The following FHIT variants were observed in gnomAD, a reference collection of about 807,000 sequenced individuals.
The protein encoded by FHIT is bis(5'-adenosyl)-triphosphatase.
FHIT carries 19 observed loss-of-function variants against 17.9 expected under a neutral mutation model. The ratio of observed to expected loss-of-function variants is 1.06; its 90% confidence interval spans 0.74 to 1.56. The LOEUF is 1.56. Ranked by LOEUF, FHIT falls within the 40% of genes most tolerant of loss-of-function variation. FHIT has a pLI of 0.00. For synonymous variants in FHIT, 81 were observed against 69.7 expected, an observed-to-expected ratio of 1.16 and a Z score of -0.81; for missense variants, 248 against 189.2, an observed-to-expected ratio of 1.31 and a Z score of -1.82.
intron 8 of FHIT, among the ~76,000 whole-genome samples, chr3:59,858,391 T>C (rs1017468662): frequency 1.3e-5 from 2 of 151,930 alleles, no homozygotes; most frequent in African/African-American, 4.8e-5. Context: ...TACGCCTGGC[T>C]AATTTTTTGT....
Position 61,087,272 on chromosome 3 carries a change from C to T in FHIT, c.-163-45173G>A, listed in dbSNP as rs180738043. On this transcript the variant is annotated intron_variant, in intron 2 of 9. Coordinates refer to ENST00000492590, the MANE Select transcript of FHIT (RefSeq NM_002012.4). ...AAGCCACAATGTTATCTCTATCCCA[C>T]TTCCACATCCAACATAAAGAGAACA... Among the ~76,000 whole-genome samples, 4 of 152,294 alleles carry T rather than the reference C, an allele frequency of 2.6e-5. No individual in the cohort carries two copies. The East Asian group carries it at 5.8e-4, about 22-fold the overall frequency.
intron 5 of FHIT, among the ~76,000 whole-genome samples, chr3:60,530,923 G>C (rs536068719): frequency 6.6e-6 from 1 of 152,170 alleles, no homozygotes; most frequent in Non-Finnish European, 1.5e-5. Flanking sequence ...CCAAGGGTAG[G>C]TGCACATTCA....
At chr3:60,945,830 T>C (rs2107438902) in intron 3 of FHIT, among the ~76,000 whole-genome samples, 1 of 152,296 alleles carries the variant, frequency 6.6e-6, no homozygotes, top group Non-Finnish European at 1.5e-5. Context: ...GAGCTGGGGA[T>C]GGCCATTGGA....
At chr3:60,180,106 G>A (rs1363874214) in intron 5 of FHIT, among the ~76,000 whole-genome samples, 1 of 152,158 alleles carries the variant, frequency 6.6e-6, no homozygotes, top group Non-Finnish European at 1.5e-5. Flanking sequence ...GAGAGCAGTG[G>A]TGTTTAGGCC....
chr3:60,814,908 TG>T lies in FHIT; in HGVS notation c.-18+7010del, dbSNP rs1275983807. 7.3e-5 allele frequency among the ~76,000 whole-genome samples: 11 copies of T among 150,956 alleles called. No homozygotes were observed. In the East Asian group the frequency reaches 1.8e-3, roughly 24 times the overall value. On this transcript the variant is annotated intron_variant, in intron 4 of 9. Transcript: ENST00000492590. Reference sequence around the variant, plus strand: ...TTGTTTAGTTTTGTTTTGTTTTTGTTGTTTTTTTTTTTTTTACTTTAGCCAT... The same window carrying T: ...TTGTTTAGTTTTGTTTTGTTTTTGTTTTTTTTTTTTTTTTACTTTAGCCAT...
At position 60,451,510 on chromosome 3, in the gene FHIT, A is replaced by G. The variant is rs144365778; in HGVS notation, c.103+85350T>C. Among the ~76,000 whole-genome samples, 189 of 152,314 alleles carry G rather than the reference A, an allele frequency of 1.2e-3. 3 individuals are homozygous for G. The highest frequency in any genetic ancestry group is 0.012 in the Admixed American group (182 of 15,290). ...TGATACTAGAAAAAAATGAAACCAT[A>G]TAGTACATACACTTTTGGTGCTATT... is the stretch of plus-strand genomic sequence containing the variant. On this transcript the variant is annotated intron_variant, in intron 5 of 9. Transcript: ENST00000492590.
At chr3:60,178,980 T>C (rs1158783729) in intron 5 of FHIT, among the ~76,000 whole-genome samples, 2 of 152,074 alleles carry the variant, frequency 1.3e-5, no homozygotes, top group African/African-American at 4.8e-5. Flanking sequence ...CCCTATAAAA[T>C]ATACTTCAAG....
chr3:60,613,347 T>C (rs66813868), intron 4 of FHIT, among the ~76,000 whole-genome samples: 15,840 of 152,044 alleles, frequency 0.1, 1,131 homozygotes, highest in Non-Finnish European at 0.15. Context: ...GATGGCCTGG[T>C]GATACACAGG....
intron 3 of FHIT, among the ~76,000 whole-genome samples, chr3:60,951,694 A>G (rs1708892147): frequency 6.6e-6 from 1 of 151,946 alleles, no homozygotes; most frequent in Non-Finnish European, 1.5e-5. Context: ...GTTAAGCATT[A>G]ATATCTGGCT....
chr3:60,619,344 A>T (rs1576983356), intron 4 of FHIT, among the ~76,000 whole-genome samples: 1 of 150,476 alleles, frequency 6.6e-6, no homozygotes, highest in Non-Finnish European at 1.5e-5. Context: ...CCAGCAACCT[A>T]TTTTTTGTGG....
At chr3:60,486,012 A>G (rs1400152958) in intron 5 of FHIT, among the ~76,000 whole-genome samples, 2 of 152,158 alleles carry the variant, frequency 1.3e-5, no homozygotes, top group Non-Finnish European at 2.9e-5. Flanking sequence ...GTCTAAGACT[A>G]TATTGATCAG....
chr3:59,791,213 C>T (rs1699542112), intron 8 of FHIT, among the ~76,000 whole-genome samples: 3 of 152,158 alleles, frequency 2.0e-5, no homozygotes, highest in Non-Finnish European at 2.9e-5. Flanking sequence ...TCTGGCCTCT[C>T]AGGGAACCCT....
At chr3:59,998,473 G>A (rs888192625) in intron 7 of FHIT, among the ~76,000 whole-genome samples, 1 of 152,142 alleles carries the variant, frequency 6.6e-6, no homozygotes, top group South Asian at 2.1e-4. Context: ...CCACTGAAAA[G>A]AGGGATTTTA....
At chr3:60,829,147 C>T (rs571738997) in intron 3 of FHIT, among the ~76,000 whole-genome samples, 5 of 152,150 alleles carry the variant, frequency 3.3e-5, no homozygotes, top group East Asian at 1.9e-4. Flanking sequence ...ATGAGCCAAG[C>T]GCAGTGCCAA....
At chr3:60,051,552 C>T (rs212044) in intron 5 of FHIT, among the ~76,000 whole-genome samples, 64,193 of 151,892 alleles carry the variant, frequency 0.42, 14,781 homozygotes, top group Middle Eastern at 0.59. Flanking sequence ...GGTGCCATGC[C>T]ACTTTATCTC....
At chr3:59,772,120 A>G (rs1702101124) in intron 8 of FHIT, among the ~76,000 whole-genome samples, 1 of 152,082 alleles carries the variant, frequency 6.6e-6, no homozygotes, top group African/African-American at 2.4e-5. Flanking sequence ...ACCCACCTCC[A>G]CCACTGAGGG....
At chr3:60,156,949 T>C (rs1184582475) in intron 5 of FHIT, among the ~76,000 whole-genome samples, 1 of 152,026 alleles carries the variant, frequency 6.6e-6, no homozygotes, top group Non-Finnish European at 1.5e-5. Context: ...ATATTAAATA[T>C]ATATAAAATA....
At chr3:60,382,648 T>G (rs1700852311) in intron 5 of FHIT, among the ~76,000 whole-genome samples, 1 of 152,270 alleles carries the variant, frequency 6.6e-6, no homozygotes, top group South Asian at 2.1e-4. Context: ...CATTCTTGAG[T>G]CCATATTATT....
At chr3:59,962,077 C>A (rs1707713509) in intron 7 of FHIT, among the ~76,000 whole-genome samples, 1 of 152,152 alleles carries the variant, frequency 6.6e-6, no homozygotes. Flanking sequence ...AAGAAATGAA[C>A]ACCATAGAGA....
Sources: gnomAD v4.1 joint callset for allele counts (sites outside exome capture counted in the v4.1 genomes callset) on GRCh38, gnomAD v4.1.1 for gene constraint, MANE v1.5 for transcripts, NCBI Gene and HGNC (gene_info 2026-07-23, HGNC 2026-07-21) for gene names.